Variants in ITFG1 observed in about 807,000 individuals in gnomAD.
ITFG1 encodes the protein integrin alpha FG-GAP repeat containing 1.
ITFG1 carries 34 observed loss-of-function variants against 81.8 expected under a neutral mutation model. The ratio of observed to expected loss-of-function variants is 0.42; its 90% CI spans 0.32 to 0.55. The LOEUF (loss-of-function observed/expected upper bound fraction) is 0.55. Ranked by LOEUF, ITFG1 falls within the 20% of genes least tolerant of loss-of-function variation. The probability of loss-of-function intolerance (pLI) is 0.17; values close to 1 mark genes in which losing one functional copy is unlikely to be tolerated. For missense variants in ITFG1, 672 were observed against 755.4 expected, an observed-to-expected ratio of 0.89 and a Z score of 1.29; for synonymous variants, 285 against 270.6, an observed-to-expected ratio of 1.05 and a Z score of -0.52.
At chr16:47,194,057 G>T (rs1485771166) in intron 14 of ITFG1, among the ~76,000 whole-genome samples, 1 of 151,980 alleles carries the variant, frequency 6.6e-6, no homozygotes, top group Non-Finnish European at 1.5e-5. Context: ...TTTCTTTTTT[G>T]ATTGTTAAAT....
intron 13 of ITFG1, among the ~76,000 whole-genome samples, chr16:47,222,580 A>G (rs1387927702): frequency 1.3e-5 from 2 of 151,850 alleles, no homozygotes; most frequent in Non-Finnish European, 2.9e-5. Context: ...GGCCCGGCTA[A>G]TTTTTTATAT....
chr16:47,344,313 T>C (rs1365657464), intron 8 of ITFG1, among the ~76,000 whole-genome samples: 1 of 152,206 alleles, frequency 6.6e-6, no homozygotes, highest in Non-Finnish European at 1.5e-5. Flanking sequence ...AGTAGATTAG[T>C]AGTCATCTGG....
chr16:47,444,948 T>C (rs74016208), intron 5 of ITFG1, among the ~76,000 whole-genome samples: 1 of 152,072 alleles, frequency 6.6e-6, no homozygotes, highest in African/African-American at 2.4e-5. Flanking sequence ...TCAACAATAA[T>C]GGATTTTTTG....
chr16:47,369,330 T>A (rs1193226054), intron 7 of ITFG1, among the ~76,000 whole-genome samples: 1 of 152,184 alleles, frequency 6.6e-6, no homozygotes, highest in East Asian at 1.9e-4. Flanking sequence ...AAAAGTTATG[T>A]CACTTTGGGA....
Position 47,155,616 on chromosome 16 carries a change from T to A in ITFG1, c.*103A>T. On this transcript the variant is annotated 3_prime_UTR_variant, in exon 18 of 18. Coordinates refer to ENST00000320640, the MANE Select transcript of ITFG1 (RefSeq NM_030790.5). ...TTTCCAATAATTACCATGGGATACA[T>A]CATTTATAAATAATATTTAATCTCC... The A allele has an allele frequency of 1.4e-6, 1 of 739,646 alleles. No homozygotes were observed. The highest frequency in any genetic ancestry group is 2.3e-6 in the Non-Finnish European group (1 of 433,306). The allele number at this position is 739,646 out of a possible 1,614,324, so 45.8% of individuals were successfully genotyped here. A position where few individuals can be genotyped will look rare whatever the true frequency, so the allele number is the denominator to read the frequency against.
chr16:47,289,083 T>C (rs1966881909), intron 10 of ITFG1, among the ~76,000 whole-genome samples: 1 of 152,228 alleles, frequency 6.6e-6, no homozygotes. Flanking sequence ...TTTTATCACA[T>C]CCTCTTTCGA....
chr16:47,377,436 T>C (rs796968722), intron 6 of ITFG1, among the ~76,000 whole-genome samples: 6 of 152,314 alleles, frequency 3.9e-5, no homozygotes, highest in African/African-American at 1.4e-4. Context: ...ACCTCAGCTG[T>C]TATGTGAAGG....
At chr16:47,417,315 C>T (rs540366257) in intron 6 of ITFG1, among the ~76,000 whole-genome samples, 17 of 152,100 alleles carry the variant, frequency 1.1e-4, no homozygotes, top group Non-Finnish European at 2.4e-4. Flanking sequence ...AAGCAAATGC[C>T]TCTCATACAT....
intron 6 of ITFG1, among the ~76,000 whole-genome samples, chr16:47,380,641 G>T (rs1596945145): frequency 6.6e-6 from 1 of 152,156 alleles, no homozygotes; most frequent in Non-Finnish European, 1.5e-5. Context: ...GGAGAGTGGG[G>T]TGAGTTGTGG....
intron 6 of ITFG1, among the ~76,000 whole-genome samples, chr16:47,424,801 C>T (rs1968997946): frequency 6.6e-6 from 1 of 152,134 alleles, no homozygotes; most frequent in Non-Finnish European, 1.5e-5. Context: ...GATCCTTCCT[C>T]TGGAAGCTTT....
intron 13 of ITFG1, among the ~76,000 whole-genome samples, chr16:47,224,958 C>T (rs975660604): frequency 5.3e-4 from 81 of 152,084 alleles, no homozygotes; most frequent in African/African-American, 1.7e-3. Context: ...ATGATTGCAC[C>T]ACTGCACTCT....
chr16:47,201,961 A>G (rs180782941), intron 14 of ITFG1: 1 of 152,336 alleles, frequency 6.6e-6, no homozygotes, highest in East Asian at 1.9e-4. Flanking sequence ...ATGTAAGCAG[A>G]ACTACTTTTA....
chr16:47,366,380 A>G (rs1022248868), intron 7 of ITFG1, among the ~76,000 whole-genome samples: 4 of 152,204 alleles, frequency 2.6e-5, no homozygotes, highest in Admixed American at 2.0e-4. Flanking sequence ...TGATCCTTAA[A>G]GGGCCAATCC....
At chr16:47,409,404 A>ATATTTATATTTTTTTTT (rs1555514902) in intron 6 of ITFG1, among the ~76,000 whole-genome samples, 1 of 6,104 alleles carries the variant, frequency 1.6e-4, no homozygotes, top group Non-Finnish European at 2.9e-4. Context: ...ATATATATAT[A>ATATTTATATTTTTTTTT]TTTTTTTTTT....
At chr16:47,456,229 TACCAAGGCACATCATCATGAAATCAGAA>T (rs1969451217) in intron 2 of ITFG1, among the ~76,000 whole-genome samples, 1 of 151,870 alleles carries the variant, frequency 6.6e-6, no homozygotes, top group African/African-American at 2.4e-5. Flanking sequence ...AACAAATCTA[TACCAAGGCACATCATCATGAAATCAGAA>T]CAAAATAGAA....
intron 5 of ITFG1, among the ~76,000 whole-genome samples, chr16:47,441,670 G>A (rs960235338): frequency 3.3e-5 from 5 of 151,976 alleles, no homozygotes; most frequent in African/African-American, 1.2e-4. Flanking sequence ...GGTATTGATG[G>A]GACATATCTC....
intron 10 of ITFG1, among the ~76,000 whole-genome samples, chr16:47,275,510 A>G (rs1966388418): frequency 6.6e-6 from 1 of 152,214 alleles, no homozygotes; most frequent in Admixed American, 6.5e-5. Context: ...GTTAATCCAC[A>G]CAGATTTAAC....
rs536468078 is a variant in ITFG1 at position 47,181,227 on chromosome 16, C to T, written c.1454-18563G>A. The stretch of plus-strand genomic sequence containing the variant: ...GTGAGGAGACCCTCTGCCCGGCAGC[C>T]GCCCCGTCTGAGAAGTGAGGAGCCC... On this transcript the variant is annotated intron_variant, in intron 14 of 17. Coordinates refer to ENST00000320640, the MANE Select transcript of ITFG1 (RefSeq NM_030790.5). Among the ~76,000 whole-genome samples the T allele has an allele frequency of 2.4e-4, 36 of 150,524 alleles. No individual in the cohort carries two copies. In the East Asian group the frequency reaches 5.3e-3, roughly 22 times the overall value.
intron 6 of ITFG1, among the ~76,000 whole-genome samples, chr16:47,403,764 ACACAC>A (rs1968693015): frequency 1.4e-5 from 1 of 72,114 alleles, no homozygotes; most frequent in Non-Finnish European, 3.3e-5. Context: ...CTCTTGGTAC[ACACAC>A]ACACACACAC....
Sources: allele counts gnomAD v4.1 joint callset (sites outside exome capture counted in the v4.1 genomes callset), GRCh38; gene constraint gnomAD v4.1.1; transcripts MANE v1.5; gene names NCBI Gene and HGNC (gene_info 2026-07-23, HGNC 2026-07-21).